Variants in PTPRM observed in about 807,000 individuals in gnomAD.
PTPRM encodes protein tyrosine phosphatase receptor type M, also known as receptor-type tyrosine-protein phosphatase mu.
Under a neutral mutation model 186.7 loss-of-function variants are expected in PTPRM, and 47 were observed. That is an observed-to-expected ratio of 0.25 (90% CI 0.20 to 0.32). The LOEUF (loss-of-function observed/expected upper bound fraction) is 0.32. Among genes scored for constraint, PTPRM ranks in the 10% least tolerant of loss-of-function variants. PTPRM has a pLI of 1.00. For missense variants in PTPRM, 1,494 were observed against 1,865.0 expected, an observed-to-expected ratio of 0.80 and a Z score of 3.66; for synonymous variants, 668 against 674.9, an observed-to-expected ratio of 0.99 and a Z score of 0.16.
intron 22 of PTPRM, among the ~76,000 whole-genome samples, chr18:8,320,711 G>T (rs1357032547): frequency 6.6e-6 from 1 of 152,148 alleles, no homozygotes; most frequent in Non-Finnish European, 1.5e-5. Flanking sequence ...AAGAACCTGG[G>T]TGACACCACA....
intron 23 of PTPRM, among the ~76,000 whole-genome samples, chr18:8,366,345 C>G (rs2095629216): frequency 6.6e-6 from 1 of 152,210 alleles, no homozygotes. Context: ...CACCTGGGAG[C>G]TTGTTCAAAG....
Position 8,399,894 on chromosome 18 carries a change from G to A in PTPRM, c.4344+5283G>A, listed in dbSNP as rs577966799. On this transcript the variant is annotated intron_variant, in intron 32 of 32. Transcript: ENST00000580170. ...GAAAATTCCAAATAGAATGTAGCCG[G>A]ATAAGCAGTCCCAACCCACCTGGGA... is the stretch of plus-strand genomic sequence containing the variant. 8 of 152,434 alleles carry A rather than the reference G, an allele frequency of 5.2e-5. 1 individual carries two copies. The South Asian group carries it at 1.7e-3, about 32-fold the overall frequency. 9.4% of individuals were successfully genotyped at this position (152,434 alleles called of 1,614,324 possible). A position where few individuals can be genotyped will look rare whatever the true frequency, so the allele number is the denominator to read the frequency against.
chr18:7,948,879 G>A (rs570200899), intron 5 of PTPRM, among the ~76,000 whole-genome samples: 9 of 152,218 alleles, frequency 5.9e-5, no homozygotes, highest in African/African-American at 1.9e-4. Context: ...TTGAAAACAA[G>A]GTAACAAGTT....
chr18:7,860,724 T>A (rs1431498755), intron 2 of PTPRM, among the ~76,000 whole-genome samples: 3 of 152,214 alleles, frequency 2.0e-5, no homozygotes, highest in Non-Finnish European at 4.4e-5. Context: ...GGAAATAATC[T>A]TAGATGTATG....
At chr18:7,854,212 T>A (rs1402495659) in intron 2 of PTPRM, among the ~76,000 whole-genome samples, 4 of 152,212 alleles carry the variant, frequency 2.6e-5, no homozygotes, top group Admixed American at 1.3e-4. Flanking sequence ...ATTGTCTTTC[T>A]TCTATCATGT....
At chr18:7,648,026 A>G (rs919162517) in intron 1 of PTPRM, among the ~76,000 whole-genome samples, 7 of 152,180 alleles carry the variant, frequency 4.6e-5, no homozygotes, top group South Asian at 2.1e-4. Flanking sequence ...TAGCAAATCT[A>G]TTGGTGCTTT....
At chr18:8,247,571 G>T (rs1010953445) in intron 15 of PTPRM, among the ~76,000 whole-genome samples, 1 of 152,154 alleles carries the variant, frequency 6.6e-6, no homozygotes, top group Non-Finnish European at 1.5e-5. Context: ...GAAGTCTGAT[G>T]AATTTCTCTA....
intron 2 of PTPRM, among the ~76,000 whole-genome samples, chr18:7,826,985 C>G (rs546688098): frequency 6.6e-6 from 1 of 151,970 alleles, no homozygotes; most frequent in Non-Finnish European, 1.5e-5. Flanking sequence ...ACCTATAATC[C>G]CAGGTACTTG....
At chr18:7,881,566 A>G (rs1404760564) in intron 2 of PTPRM, among the ~76,000 whole-genome samples, 1 of 152,228 alleles carries the variant, frequency 6.6e-6, no homozygotes, top group African/African-American at 2.4e-5. Context: ...CCTTGGCCCT[A>G]TCCGATGCTT....
intron 1 of PTPRM, among the ~76,000 whole-genome samples, chr18:7,734,087 C>G (rs1271660774): frequency 6.6e-6 from 1 of 152,146 alleles, no homozygotes; most frequent in African/African-American, 2.4e-5. Context: ...AACCTACATC[C>G]AAAAGTAAAG....
intron 1 of PTPRM, among the ~76,000 whole-genome samples, chr18:7,642,884 A>G (rs1445315851): frequency 6.7e-6 from 1 of 150,278 alleles, no homozygotes; most frequent in Admixed American, 6.6e-5. Context: ...GAAAGAAAAA[A>G]TTTTCATCTT....
chr18:7,812,721 G>A (rs58012227), intron 2 of PTPRM, among the ~76,000 whole-genome samples: 7,293 of 145,244 alleles, frequency 0.05, 513 homozygotes, highest in East Asian at 0.16. Flanking sequence ...GACTTGGAAA[G>A]TTTTTTTTTT....
At chr18:8,274,834 C>A (rs1477821378) in intron 19 of PTPRM, among the ~76,000 whole-genome samples, 4 of 152,166 alleles carry the variant, frequency 2.6e-5, no homozygotes, top group Non-Finnish European at 5.9e-5. Flanking sequence ...CAAGAGCTTG[C>A]ATGCATAGTT....
At chr18:7,885,368 A>C (rs2048731389) in intron 2 of PTPRM, among the ~76,000 whole-genome samples, 1 of 152,160 alleles carries the variant, frequency 6.6e-6, no homozygotes, top group Non-Finnish European at 1.5e-5. Context: ...AAGAGGAATG[A>C]AACCACCAAA....
intron 7 of PTPRM, among the ~76,000 whole-genome samples, chr18:8,059,269 G>A (rs1382014141): frequency 1.1e-5 from 1 of 89,668 alleles, no homozygotes. Flanking sequence ...TGTTGTTGGT[G>A]TATAAGAATG....
intron 22 of PTPRM, among the ~76,000 whole-genome samples, chr18:8,337,223 A>G (rs1277153665): frequency 6.6e-6 from 1 of 152,064 alleles, no homozygotes; most frequent in Non-Finnish European, 1.5e-5. Flanking sequence ...CAATTTTTTG[A>G]GACAGGTATG....
In PTPRM at chr18:8,252,516, G is replaced by T; in HGVS notation, c.2566+17G>T. 1 of 1,544,494 alleles carries T rather than the reference G, an allele frequency of 6.5e-7. No individual in the cohort carries two copies. The highest frequency in any genetic ancestry group is 9.0e-7 in the Non-Finnish European group (1 of 1,116,824). On this transcript the variant is annotated intron_variant, in intron 18 of 32. Coordinates refer to ENST00000580170, the MANE Select transcript of PTPRM (RefSeq NM_001105244.2). ...CAATAAATGGTAAGTTCCCCGATTC[G>T]CCCCATGGAAGAGTTGTGGAGGGAG...
Position 8,320,162 on chromosome 18 carries a change from G to A in PTPRM, c.2956+948G>A, listed in dbSNP as rs539225940. ...AATAGGCTACATCCCAGGAACAGTA[G>A]CAGGGAAGTGAAAAGGATGTGATCT... On this transcript the variant is annotated intron_variant, in intron 22 of 32. Coordinates refer to ENST00000580170, the MANE Select transcript of PTPRM (RefSeq NM_001105244.2). Among the ~76,000 whole-genome samples the A allele has an allele frequency of 2.6e-5, 4 of 152,296 alleles. No homozygotes were observed. In the East Asian group the frequency reaches 7.7e-4, roughly 29 times the overall value.
intron 2 of PTPRM, among the ~76,000 whole-genome samples, chr18:7,776,506 T>G (rs1432505248): frequency 7.0e-6 from 1 of 142,110 alleles, no homozygotes; most frequent in African/African-American, 3.1e-5. Flanking sequence ...GTTTTTCTTT[T>G]TCTTTCTTTT....
Sources: gnomAD v4.1 joint callset for allele counts (sites outside exome capture counted in the v4.1 genomes callset) on GRCh38, gnomAD v4.1.1 for gene constraint, MANE v1.5 for transcripts, NCBI Gene and HGNC (gene_info 2026-07-23, HGNC 2026-07-21) for gene names.